The following SRRM4 variants were observed in gnomAD, a reference collection of about 807,000 sequenced individuals.
The protein encoded by SRRM4 is serine/arginine repetitive matrix protein 4.
In SRRM4, 33 loss-of-function variants were observed where a neutral mutation model predicts 68.9. The observed-to-expected ratio is 0.48, with a 90% CI of 0.36 to 0.64. The LOEUF is 0.64. Ranked by LOEUF, SRRM4 falls within the 30% of genes least tolerant of loss-of-function variation. The pLI is 0.00. For synonymous variants in SRRM4, 318 were observed against 318.8 expected, an observed-to-expected ratio of 1.00 and a Z score of 0.03; for missense variants, 817 against 827.1, an observed-to-expected ratio of 0.99 and a Z score of 0.15.
intron 12 of SRRM4, among the ~76,000 whole-genome samples, 188 bp from the exon 13 acceptor site, chr12:119,156,307 A>G (rs1765806121): frequency 6.6e-6 from 1 of 152,212 alleles, no homozygotes; most frequent in Non-Finnish European, 1.5e-5. Context: ...TTCAAGACAT[A>G]CTAGCACTAA....
rs73213729 is a variant in SRRM4, at chr12:119,102,257, C to T, written c.153C>T (p.Pro51=). The change falls in exon 2 of 13, where the codon CCC becomes CCT. Residue 51 remains proline, a synonymous_variant. Transcript: ENST00000267260. ...PLPRTEPQNN[P]VVPAQDGPSE... ...GTAGGACAGAGCCCCAGAATAACCC[C>T]GTTGTCCCAGCTCAGGATGGACCCT... 0.04 allele frequency: 64,040 copies of T among 1,613,326 alleles called. 1,357 individuals are homozygous for T. Among genetic ancestry groups the T allele is most frequent in the African/African-American group, 0.056 (4,216 of 74,994 alleles).
intron 1 of SRRM4, among the ~76,000 whole-genome samples, chr12:119,025,906 G>T (rs1214262138): frequency 6.6e-6 from 1 of 152,102 alleles, no homozygotes; most frequent in East Asian, 1.9e-4. Flanking sequence ...TTTGAGAAAG[G>T]TTTGGCAAGG....
intron 1 of SRRM4, among the ~76,000 whole-genome samples, chr12:119,042,603 A>T (rs2136012521): frequency 1.3e-5 from 2 of 151,556 alleles, no homozygotes; most frequent in South Asian, 4.2e-4. Flanking sequence ...AGAGAAGGTG[A>T]AAAGAGGAGA....
chr12:118,998,829 A>C (rs1026361125), intron 1 of SRRM4, among the ~76,000 whole-genome samples: 1 of 152,206 alleles, frequency 6.6e-6, no homozygotes, highest in Non-Finnish European at 1.5e-5. Flanking sequence ...TGTCTTATTT[A>C]TCTCTCTATT....
At chr12:119,070,007 G>C (rs923509868) in intron 1 of SRRM4, among the ~76,000 whole-genome samples, 2 of 152,094 alleles carry the variant, frequency 1.3e-5, no homozygotes, top group African/African-American at 4.8e-5. Flanking sequence ...GTTAGGGGCC[G>C]GGGGCACTGC....
chr12:119,156,875 T>C lies in SRRM4; in HGVS notation c.*77T>C. 2 of 1,448,014 alleles carry C rather than the reference T, an allele frequency of 1.4e-6. No homozygotes were observed. Among genetic ancestry groups the C allele is most frequent in the South Asian group, 2.8e-5 (2 of 70,214 alleles). 89.7% of individuals were successfully genotyped at this position (1,448,014 alleles called of 1,614,324 possible). A position where few individuals can be genotyped will look rare whatever the true frequency, so the allele number is the denominator to read the frequency against. On this transcript the variant is annotated 3_prime_UTR_variant, in exon 13 of 13. Transcript: ENST00000267260. ...CCAACCACCTGCCCTCCCCGCCTTC[T>C]TGGTGACAAATAGTGAGGGCTCCTA...
At chr12:119,093,693 C>T (rs1407500747) in intron 1 of SRRM4, among the ~76,000 whole-genome samples, 1 of 152,166 alleles carries the variant, frequency 6.6e-6, no homozygotes, top group Non-Finnish European at 1.5e-5. Context: ...GTCAGCAGGA[C>T]TCCAGGTCCC....
In SRRM4 at chr12:119,162,990, T is replaced by A. The variant is rs1954525480; in HGVS notation, c.*6192T>A. The A allele has an allele frequency of 1.3e-5, 2 of 152,164 alleles. No individual in the cohort carries two copies. Among genetic ancestry groups the A allele is most frequent in the African/African-American group, 4.8e-5 (2 of 41,416 alleles). The allele number at this position is 152,164 out of a possible 1,614,324, so 9.4% of individuals were successfully genotyped here. A position where few individuals can be genotyped will look rare whatever the true frequency, so the allele number is the denominator to read the frequency against. ...GCATAACCTTCCCGGGGTTTCTGGT[T>A]TTTCAGCCTGTACGAAACATGTCTC... On this transcript the variant is annotated 3_prime_UTR_variant, in exon 13 of 13. Coordinates refer to ENST00000267260, the MANE Select transcript of SRRM4 (RefSeq NM_194286.4).
At position 119,153,649 on chromosome 12, in the gene SRRM4, G is replaced by A; in HGVS notation, c.1391G>A (p.Arg464Lys). 6.5e-7 allele frequency: 1 copy of A among 1,549,896 alleles called. No individual in the cohort carries two copies. The highest frequency in any genetic ancestry group is 8.7e-7 in the Non-Finnish European group (1 of 1,148,972). The change falls in exon 11 of 13, where the codon AGG becomes AAG. Residue 464 changes from arginine to lysine, a missense_variant and splice_region_variant. By Grantham distance (26) the Arg-to-Lys change is conservative (BLOSUM62 2). Transcript: ENST00000267260. ...AGCTACTCCCGCTACAGCCCCAGCA[G>A]GTACCGGCCCCGCCCCTCAAACTAG... ...SPSYSRYSPSRERDPKYSEKD... is the reference protein window; with the variant it reads ...SPSYSRYSPSKERDPKYSEKD...
intron 1 of SRRM4, among the ~76,000 whole-genome samples, chr12:119,030,125 G>A (rs1953578884): frequency 6.6e-6 from 1 of 152,176 alleles, no homozygotes; most frequent in African/African-American, 2.4e-5. Flanking sequence ...AGAGAAAAAT[G>A]CATAGTGATT....
chr12:119,079,786 T>C (rs373170250), intron 1 of SRRM4, among the ~76,000 whole-genome samples: 17 of 152,098 alleles, frequency 1.1e-4, no homozygotes, highest in African/African-American at 4.1e-4. Flanking sequence ...ATGAAACTGT[T>C]GGGATCGCCT....
In SRRM4 at chr12:119,030,546, A is replaced by G. The variant is rs116679075; in HGVS notation, c.131+48533A>G. 9.6e-3 allele frequency among the ~76,000 whole-genome samples: 1,460 copies of G among 152,280 alleles called. 30 individuals are homozygous for G. Among genetic ancestry groups the G allele is most frequent in the African/African-American group, 0.033 (1,384 of 41,566 alleles). On this transcript the variant is annotated intron_variant, in intron 1 of 12. Transcript: ENST00000267260. The stretch of plus-strand genomic sequence containing the variant: ...GAAGTACAGAAAAAAAGAATATAAA[A>G]ATCACCCCAAATTCTAAAATTTGAA...
At chr12:119,033,705 G>A (rs568634969) in intron 1 of SRRM4, among the ~76,000 whole-genome samples, 16 of 150,750 alleles carry the variant, frequency 1.1e-4, no homozygotes, top group South Asian at 4.2e-4. Context: ...GACATGTTTC[G>A]TGTTTCTTTC....
chr12:119,069,671 G>A (rs1953866046), intron 1 of SRRM4: 1 of 152,184 alleles, frequency 6.6e-6, no homozygotes, highest in African/African-American at 2.4e-5. Flanking sequence ...CCGTGCTCTT[G>A]CTTCTTGGCT....
At chr12:118,989,544 C>A (rs1233952869) in intron 1 of SRRM4, among the ~76,000 whole-genome samples, 1 of 141,174 alleles carries the variant, frequency 7.1e-6, no homozygotes, top group Non-Finnish European at 1.5e-5. Context: ...TCCCCCCACA[C>A]CTTCCAGCCC....
intron 7 of SRRM4, among the ~76,000 whole-genome samples, chr12:119,128,043 A>G (rs1954272012): frequency 6.6e-6 from 1 of 152,118 alleles, no homozygotes; most frequent in Admixed American, 6.5e-5. Context: ...AGATTTTTAA[A>G]TCCCCCCAGG....
chr12:118,984,467 T>C (rs2135986532), intron 1 of SRRM4, among the ~76,000 whole-genome samples: 1 of 152,282 alleles, frequency 6.6e-6, no homozygotes, highest in South Asian at 2.1e-4. Flanking sequence ...TGTAGCAGTC[T>C]GCAGGGGGAT....
intron 6 of SRRM4, among the ~76,000 whole-genome samples, chr12:119,123,367 G>A (rs1954235474): frequency 6.6e-6 from 1 of 152,102 alleles, no homozygotes; most frequent in South Asian, 2.1e-4. Context: ...TTGGCCACGT[G>A]TATTGAATGT....
chr12:119,043,569 A>T (rs1057318317), intron 1 of SRRM4, among the ~76,000 whole-genome samples: 5 of 146,658 alleles, frequency 3.4e-5, no homozygotes, highest in Non-Finnish European at 7.6e-5. Context: ...TTGAAAAATA[A>T]ATAAATACAT....
Sources: gnomAD v4.1 joint callset for allele counts (sites outside exome capture counted in the v4.1 genomes callset) on GRCh38, gnomAD v4.1.1 for gene constraint, MANE v1.5 for transcripts, NCBI Gene and HGNC (gene_info 2026-07-23, HGNC 2026-07-21) for gene names.